The following RTF1 variants were observed in gnomAD, a reference collection of about 807,000 sequenced individuals.
RTF1 encodes the protein RNA polymerase-associated protein RTF1 homolog.
A neutral mutation model predicts 95.7 loss-of-function variants in RTF1; 10 were observed. The observed-to-expected ratio is 0.10, with a 90% CI of 0.06 to 0.18. The LOEUF is 0.18. Ranked by LOEUF, RTF1 falls within the 10% of genes least tolerant of loss-of-function variation. RTF1 has a pLI of 1.00. For synonymous variants in RTF1, 305 were observed against 311.8 expected (o/e 0.98, Z 0.23); for missense variants, 458 against 875.6 (o/e 0.52, Z 6.02).
Position 41,447,557 on chromosome 15 carries a change from A to C in RTF1, c.310-5344A>C, listed in dbSNP as rs2050769896. Reference sequence around the variant, plus strand: ...GCTGATCTCTGTTATTAGGAAGAAAACATATTCCATCCAGTCTCTTTTTAA... The same window carrying C: ...GCTGATCTCTGTTATTAGGAAGAAACCATATTCCATCCAGTCTCTTTTTAA... On this transcript the variant is annotated intron_variant, in intron 2 of 17. Transcript: ENST00000389629. Among the ~76,000 whole-genome samples, 3 of 152,210 alleles carry C rather than the reference A, an allele frequency of 2.0e-5. No individual in the cohort carries two copies. The South Asian group carries it at 6.2e-4, about 31-fold the overall frequency.
At chr15:41,426,655 G>A in intron 1 of RTF1, among the ~76,000 whole-genome samples, 1 of 88,886 alleles carries the variant, frequency 1.1e-5, no homozygotes, top group Non-Finnish European at 2.2e-5. Flanking sequence ...TGGCCAGGCT[G>A]GTCTCGAACT....
chr15:41,466,200 T>A lies in RTF1; in HGVS notation c.837T>A (p.Ser279=). 6.3e-7 allele frequency: 1 copy of A among 1,595,014 alleles called. No homozygotes were observed. Among genetic ancestry groups the A allele is most frequent in the Admixed American group, 1.8e-5 (1 of 56,276 alleles). ...GGGATGAGAAACTAGACAAGAAATCTCAAGCCATGGAGGAGCTAAAAGCAG... is the reference window on the plus strand; with the variant it reads ...GGGATGAGAAACTAGACAAGAAATCACAAGCCATGGAGGAGCTAAAAGCAG... ...SKRDEKLDKK[S]QAMEELKAER... Residue 279 remains serine (S), a synonymous_variant, in exon 6 of 18, where the codon TCT becomes TCA. Coordinates refer to ENST00000389629, the MANE Select transcript of RTF1 (RefSeq NM_015138.5).
At chr15:41,479,508 A>G (rs1442070255) in intron 16 of RTF1, among the ~76,000 whole-genome samples, 1 of 152,184 alleles carries the variant, frequency 6.6e-6, no homozygotes, top group African/African-American at 2.4e-5. Context: ...AGGAGGAGAG[A>G]TAACATACAA....
chr15:41,463,600 G>T (rs1310100139), intron 4 of RTF1, among the ~76,000 whole-genome samples: 1 of 151,966 alleles, frequency 6.6e-6, no homozygotes, highest in Non-Finnish European at 1.5e-5. Context: ...TCCCACCTCA[G>T]CCTGCCAAGT....
chr15:41,479,670 G>A (rs1277175176), intron 16 of RTF1, among the ~76,000 whole-genome samples: 1 of 152,074 alleles, frequency 6.6e-6, no homozygotes, highest in East Asian at 1.9e-4. Context: ...AGACCAGCCT[G>A]GCCAACATGG....
At chr15:41,463,363 C>T (rs916267707) in intron 4 of RTF1, among the ~76,000 whole-genome samples, 2 of 152,140 alleles carry the variant, frequency 1.3e-5, no homozygotes, top group Non-Finnish European at 2.9e-5. Context: ...CTGGCTGGTA[C>T]GGTAACTCTT....
Position 41,482,298 on chromosome 15 carries a change from A to C in RTF1, c.*1611A>C, listed in dbSNP as rs1425878935. ...AAAAGTGGCATTTAACAAATCTTTC[A>C]GAACAAAGTACAGCTGACTATATAT... is the stretch of plus-strand genomic sequence containing the variant. On this transcript the variant is annotated 3_prime_UTR_variant, in exon 18 of 18. Coordinates refer to ENST00000389629, the MANE Select transcript of RTF1 (RefSeq NM_015138.5). 3 of 152,660 alleles carry C rather than the reference A, an allele frequency of 2.0e-5. No individual in the cohort carries two copies. The highest frequency in any genetic ancestry group is 7.2e-5 in the African/African-American group (3 of 41,460). The allele number at this position is 152,660 out of a possible 1,614,324, so 9.5% of individuals were successfully genotyped here.
At chr15:41,429,859 A>G (rs376119205) in intron 1 of RTF1, among the ~76,000 whole-genome samples, 1 of 151,294 alleles carries the variant, frequency 6.6e-6, no homozygotes, top group African/African-American at 2.4e-5. Flanking sequence ...CCTTCTTAAC[A>G]CTTACCATTA....
chr15:41,477,345 T>A, intron 13 of RTF1, 59 bp downstream of exon 13: 1 of 1,613,774 alleles, frequency 6.2e-7, no homozygotes, highest in Middle Eastern at 1.6e-4. Context: ...CAGGCAAGCC[T>A]GTGGCCTGTA....
intron 12 of RTF1, 95 bp downstream of exon 12, chr15:41,476,618 G>A: frequency 8.4e-7 from 1 of 1,186,612 alleles, no homozygotes; most frequent in South Asian, 1.2e-5. Context: ...TGGTAGGATT[G>A]GGAGAAAATT....
At chr15:41,447,764 G>A (rs577332633) in intron 2 of RTF1, among the ~76,000 whole-genome samples, 8 of 152,240 alleles carry the variant, frequency 5.3e-5, no homozygotes, top group African/African-American at 1.9e-4. Context: ...ACTTGGTTCA[G>A]ATGCACACCG....
chr15:41,430,780 A>AG (rs1314356376), intron 1 of RTF1, among the ~76,000 whole-genome samples: 2 of 152,182 alleles, frequency 1.3e-5, no homozygotes, highest in Non-Finnish European at 1.5e-5. Flanking sequence ...TGAGCTAAAA[A>AG]GTAATCTTGC....
intron 2 of RTF1, among the ~76,000 whole-genome samples, chr15:41,445,035 C>A (rs915406624): frequency 7.2e-5 from 11 of 152,000 alleles, no homozygotes; most frequent in African/African-American, 2.7e-4. Context: ...GGATTCACGC[C>A]GTTCTCCTGC....
rs776785522 is a variant in RTF1 at position 41,480,565 on chromosome 15, C to G, written c.2027-16C>G. The G allele has an allele frequency of 6.3e-7, 1 of 1,594,386 alleles. No individual in the cohort carries two copies. The highest frequency in any genetic ancestry group is 8.6e-7 in the Non-Finnish European group (1 of 1,162,072). On this transcript the variant is annotated splice_polypyrimidine_tract_variant and intron_variant, in intron 17 of 17. Transcript: ENST00000389629. ...TTGTGGGACCTCAGCTGCCAACTTG[C>G]TCTTCTTTCCCACAGAGTCAAAGGC...
At chr15:41,445,698 A>T (rs1012269316) in intron 2 of RTF1, among the ~76,000 whole-genome samples, 93 of 151,806 alleles carry the variant, frequency 6.1e-4, no homozygotes, top group African/African-American at 2.2e-3. Context: ...AGTTGGGATT[A>T]AAAAAAATTG....
At chr15:41,464,933 A>AGTGTGT (rs67065750) in intron 5 of RTF1, 48 bp downstream of exon 5, 34,002 of 1,298,766 alleles carry the variant, frequency 0.026, 121 homozygotes, top group African/African-American at 0.032. Context: ...ACCTGTTTTG[A>AGTGTGT]GTGTGTGTGT....
chr15:41,420,250 G>C (rs928120645), intron 1 of RTF1, among the ~76,000 whole-genome samples: 14 of 152,186 alleles, frequency 9.2e-5, no homozygotes, highest in African/African-American at 3.4e-4. Context: ...TTGCATTCTT[G>C]TTATCAGATG....
chr15:41,467,631 C>T (rs1474235246), intron 6 of RTF1, among the ~76,000 whole-genome samples: 1 of 152,024 alleles, frequency 6.6e-6, no homozygotes, highest in Non-Finnish European at 1.5e-5. Context: ...AGGAGAATCC[C>T]TTGAACCCGG....
At chr15:41,452,646 A>T (rs2050794591) in intron 2 of RTF1, among the ~76,000 whole-genome samples, 1 of 151,942 alleles carries the variant, frequency 6.6e-6, no homozygotes, top group South Asian at 2.1e-4. Context: ...AAGTGGGAGG[A>T]TGGCTTGAGC....
Sources: allele counts gnomAD v4.1 joint callset (sites outside exome capture counted in the v4.1 genomes callset), GRCh38; gene constraint gnomAD v4.1.1; transcripts MANE v1.5; gene names NCBI Gene and HGNC (gene_info 2026-07-23, HGNC 2026-07-21).